Variants in VWA8 observed in about 807,000 individuals in gnomAD.
VWA8 encodes the protein von Willebrand factor A domain-containing protein 8.
VWA8 carries 221 observed loss-of-function variants against 241.5 expected under a neutral mutation model. That is an observed-to-expected ratio of 0.91 (90% CI 0.82 to 1.02). The LOEUF (loss-of-function observed/expected upper bound fraction) is 1.02, where lower values mean the gene tolerates loss of function less well. Ranked by LOEUF, VWA8 falls within the 50% of genes least tolerant of loss-of-function variation. The pLI, the probability that VWA8 is intolerant of heterozygous loss-of-function variation, is 0.00. For missense variants in VWA8, 2,322 were observed against 2,328.7 expected (o/e 1.00, Z 0.06); for synonymous variants, 852 against 827.1 (o/e 1.03, Z -0.52).
intron 9 of VWA8, among the ~76,000 whole-genome samples, chr13:41,883,016 C>A (rs532506641): frequency 2.0e-5 from 3 of 152,224 alleles, no homozygotes; most frequent in African/African-American, 4.8e-5. Context: ...CAATCCAATA[C>A]CTTAGAGTTT....
chr13:41,602,634 T>C (rs184965867), intron 40 of VWA8, among the ~76,000 whole-genome samples: 59 of 152,272 alleles, frequency 3.9e-4, no homozygotes, highest in African/African-American at 1.4e-3. Flanking sequence ...TCTTAGCAAG[T>C]ACAATGAAGG....
intron 17 of VWA8, among the ~76,000 whole-genome samples, chr13:41,799,227 T>C (rs1869838861): frequency 6.6e-6 from 1 of 152,214 alleles, no homozygotes; most frequent in Non-Finnish European, 1.5e-5. Flanking sequence ...TGACCAAATA[T>C]TCAGATAGGA....
intron 23 of VWA8, among the ~76,000 whole-genome samples, chr13:41,728,682 T>C (rs750363705): frequency 1.3e-5 from 2 of 152,022 alleles, no homozygotes; most frequent in Non-Finnish European, 1.5e-5. Context: ...CATAAATTCA[T>C]TGTGAAACTG....
At chr13:41,635,950 T>C (rs747477699) in intron 37 of VWA8, among the ~76,000 whole-genome samples, 7 of 152,176 alleles carry the variant, frequency 4.6e-5, no homozygotes, top group Non-Finnish European at 1.0e-4. Flanking sequence ...CTTACAGTTC[T>C]TGTTACAGCA....
At chr13:41,927,733 C>T (rs1372631586) in intron 2 of VWA8, among the ~76,000 whole-genome samples, 6 of 151,976 alleles carry the variant, frequency 3.9e-5, no homozygotes, top group Non-Finnish European at 7.4e-5. Context: ...AAACAAATAA[C>T]ACAATGGAAA....
chr13:41,701,679 A>G (rs1308587776), intron 27 of VWA8, 149 bp from the exon 28 acceptor site: 1 of 603,172 alleles, frequency 1.7e-6, no homozygotes, highest in Non-Finnish European at 2.6e-6. Context: ...CTTAGTACTC[A>G]TAACAGTAAT....
At chr13:41,599,251 ATGTAGAT>A (rs1184596977) in intron 40 of VWA8, among the ~76,000 whole-genome samples, 1 of 151,978 alleles carries the variant, frequency 6.6e-6, no homozygotes, top group Non-Finnish European at 1.5e-5. Context: ...TCTACTTTTC[ATGTAGAT>A]TTGAGTTTTG....
chr13:41,920,536 C>T (rs532439433), intron 2 of VWA8, among the ~76,000 whole-genome samples: 2 of 151,766 alleles, frequency 1.3e-5, no homozygotes, highest in Non-Finnish European at 2.9e-5. Flanking sequence ...ATTGATAGAC[C>T]GCTAGCAAGA....
chr13:41,824,758 C>T (rs1871109337), intron 14 of VWA8, among the ~76,000 whole-genome samples: 1 of 150,262 alleles, frequency 6.7e-6, no homozygotes, highest in South Asian at 2.1e-4. Flanking sequence ...TTTGAGGTTG[C>T]AGTGAACTAT....
chr13:41,651,527 G>T (rs2044869213), intron 37 of VWA8, among the ~76,000 whole-genome samples: 2 of 152,146 alleles, frequency 1.3e-5, no homozygotes, highest in Non-Finnish European at 2.9e-5. Context: ...AGGCCATATG[G>T]TCTTTGTTGC....
At chr13:41,770,219 G>A (rs79011193) in intron 20 of VWA8, among the ~76,000 whole-genome samples, 1 of 151,714 alleles carries the variant, frequency 6.6e-6, no homozygotes, top group Admixed American at 6.6e-5. Flanking sequence ...AGGCCGAGAC[G>A]TGTGGATCAT....
At chr13:41,630,222 T>G (rs998358167) in intron 37 of VWA8, among the ~76,000 whole-genome samples, 4 of 152,066 alleles carry the variant, frequency 2.6e-5, no homozygotes, top group African/African-American at 9.7e-5. Context: ...TGGTTTGTCT[T>G]GCAGAAGTCC....
At chr13:41,872,453 G>A (rs1873676509) in intron 9 of VWA8, among the ~76,000 whole-genome samples, 1 of 152,178 alleles carries the variant, frequency 6.6e-6, no homozygotes, top group Non-Finnish European at 1.5e-5. Flanking sequence ...TAACGTTTAA[G>A]TCTTTAATTC....
intron 43 of VWA8, among the ~76,000 whole-genome samples, chr13:41,573,486 A>AATAAATAAATAAATAAATAAATAT (rs1555303591): frequency 8.8e-6 from 1 of 113,614 alleles, no homozygotes; most frequent in African/African-American, 3.4e-5. Flanking sequence ...AAAAAAAAAA[A>AATAAATAAATAAATAAATAAATAT]ATATATATAT....
At chr13:41,857,027 G>A (rs1872782216) in intron 12 of VWA8, among the ~76,000 whole-genome samples, 2 of 152,026 alleles carry the variant, frequency 1.3e-5, no homozygotes, top group South Asian at 2.1e-4. Context: ...CTGTGTATTT[G>A]AGACTTGAAG....
At chr13:41,662,540 C>CTT (rs1438337984) in intron 37 of VWA8, among the ~76,000 whole-genome samples, 1 of 122,272 alleles carries the variant, frequency 8.2e-6, no homozygotes, top group African/African-American at 3.0e-5. Context: ...TTTGTTTTGT[C>CTT]TTTTTTTTTT....
chr13:41,893,101 A>C (rs1286763824), intron 4 of VWA8, among the ~76,000 whole-genome samples: 1 of 152,238 alleles, frequency 6.6e-6, no homozygotes, highest in Non-Finnish European at 1.5e-5. Context: ...GTCCAAAAAA[A>C]GGATCTAAAT....
At chr13:41,884,244 G>C (rs1368512748) in intron 8 of VWA8, among the ~76,000 whole-genome samples, 2 of 152,172 alleles carry the variant, frequency 1.3e-5, no homozygotes, top group Non-Finnish European at 2.9e-5. Context: ...GACCCAGTGG[G>C]AGACAACTGA....
chr13:41,571,170 T>TTAAG (rs2044298802), intron 43 of VWA8, among the ~76,000 whole-genome samples: 1 of 152,104 alleles, frequency 6.6e-6, no homozygotes, highest in Non-Finnish European at 1.5e-5. Context: ...TGTTGCAGGC[T>TTAAG]TAAGTGTGTG....
Sources: gnomAD v4.1 joint callset for allele counts (sites outside exome capture counted in the v4.1 genomes callset) on GRCh38, gnomAD v4.1.1 for gene constraint, MANE v1.5 for transcripts, NCBI Gene and HGNC (gene_info 2026-07-23, HGNC 2026-07-21) for gene names.